The following SLC22A15 variants were observed in gnomAD, a reference collection of about 807,000 sequenced individuals.
SLC22A15 encodes solute carrier family 22 member 15, also known as flipt 1.
In SLC22A15, 45 loss-of-function variants were observed where a neutral mutation model predicts 62.7. The ratio of observed to expected loss-of-function variants is 0.72; its 90% CI spans 0.56 to 0.92. The LOEUF is 0.92. Among genes scored for constraint, SLC22A15 ranks in the 40% least tolerant of loss-of-function variants. The pLI, the probability that SLC22A15 is intolerant of heterozygous loss-of-function variation, is 0.00. For missense variants in SLC22A15, 622 were observed against 665.6 expected, an observed-to-expected ratio of 0.93 and a Z score of 0.72; for synonymous variants, 264 against 267.0, an observed-to-expected ratio of 0.99 and a Z score of 0.11.
chr1:116,025,063 A>G (rs771220360), intron 4 of SLC22A15, among the ~76,000 whole-genome samples: 1 of 152,140 alleles, frequency 6.6e-6, no homozygotes, highest in Non-Finnish European at 1.5e-5. Flanking sequence ...AATATCGAAC[A>G]TTTGTATAAC....
chr1:115,979,556 C>T (rs566368617), intron 1 of SLC22A15, among the ~76,000 whole-genome samples: 1 of 152,318 alleles, frequency 6.6e-6, no homozygotes, highest in East Asian at 1.9e-4. Context: ...TGTACTTGCT[C>T]TCCCTAGGAT....
chr1:116,006,075 C>T (rs1384527831), intron 2 of SLC22A15, among the ~76,000 whole-genome samples: 1 of 152,142 alleles, frequency 6.6e-6, no homozygotes, highest in Admixed American at 6.5e-5. Flanking sequence ...GCTTGTGGTA[C>T]CAGGGTGACA....
intron 2 of SLC22A15, among the ~76,000 whole-genome samples, chr1:116,006,150 C>G (rs1001393780): frequency 1.3e-5 from 2 of 152,064 alleles, no homozygotes; most frequent in African/African-American, 2.4e-5. Context: ...TAATTAGGAG[C>G]CCTTTTAGAT....
rs1175760123 is a variant in SLC22A15 at position 116,068,497 on chromosome 1, G to C, written c.*1389G>C. The C allele has an allele frequency of 2.0e-5, 3 of 152,222 alleles. No individual in the cohort carries two copies. The highest frequency in any genetic ancestry group is 4.4e-5 in the Non-Finnish European group (3 of 68,024). The allele number at this position is 152,222 out of a possible 1,614,324, so 9.4% of individuals were successfully genotyped here. A position where few individuals can be genotyped will look rare whatever the true frequency, so the allele number is the denominator to read the frequency against. On this transcript the variant is annotated 3_prime_UTR_variant, in exon 12 of 12. Transcript: ENST00000369503. ...ATGTTTTCTTGCACACTGACTTCTG[G>C]TTTCCACTGTATCAGTATGTACCTT...
intron 8 of SLC22A15, among the ~76,000 whole-genome samples, chr1:116,039,621 A>G (rs1284374110): frequency 6.6e-6 from 1 of 152,130 alleles, no homozygotes; most frequent in Non-Finnish European, 1.5e-5. Flanking sequence ...TATAATTAAT[A>G]ACCATTACTA....
At chr1:115,993,999 C>T (rs758167228) in intron 2 of SLC22A15, among the ~76,000 whole-genome samples, 3 of 152,306 alleles carry the variant, frequency 2.0e-5, no homozygotes, top group Middle Eastern at 3.4e-3. Context: ...TCACCTTCCC[C>T]GTGAGTCTTC....
At chr1:116,066,900 T>C (rs1658512878) in intron 11 of SLC22A15, 119 bp from the exon 12 acceptor site, 1 of 967,248 alleles carries the variant, frequency 1.0e-6, no homozygotes, top group Non-Finnish European at 1.6e-6. Flanking sequence ...TTAGGGGCTA[T>C]TTCTTGGGGG....
At chr1:116,031,866 T>G (rs1410290748) in intron 6 of SLC22A15, 3 of 1,239,196 alleles carry the variant, frequency 2.4e-6, no homozygotes, top group South Asian at 2.2e-5. Context: ...CATAAATATT[T>G]AAGCCTTCCT....
intron 8 of SLC22A15, among the ~76,000 whole-genome samples, chr1:116,050,242 T>C (rs1022901846): frequency 5.9e-5 from 9 of 152,194 alleles, no homozygotes. Flanking sequence ...TAACTCATTC[T>C]ATGAAGCCAG....
At chr1:115,997,825 C>T (rs1047576326) in intron 2 of SLC22A15, among the ~76,000 whole-genome samples, 2 of 151,960 alleles carry the variant, frequency 1.3e-5, no homozygotes, top group Non-Finnish European at 2.9e-5. Flanking sequence ...ACTAACAGTA[C>T]TAAGTTGAAA....
intron 8 of SLC22A15, among the ~76,000 whole-genome samples, chr1:116,052,334 G>A (rs917646717): frequency 9.2e-5 from 14 of 152,232 alleles, no homozygotes; most frequent in South Asian, 6.2e-4. Flanking sequence ...AGGTGGCAGC[G>A]AGGCTGGGGG....
At chr1:116,052,080 G>A (rs181427729) in intron 8 of SLC22A15, among the ~76,000 whole-genome samples, 45 of 152,310 alleles carry the variant, frequency 3.0e-4, no homozygotes, top group East Asian at 1.7e-3. Context: ...TGCACCATGC[G>A]CGAGCCGAAG....
At chr1:116,032,184 T>C in intron 6 of SLC22A15, 1 of 985,452 alleles carries the variant, frequency 1.0e-6, no homozygotes. Context: ...TCTGGTTGTT[T>C]AGCTTATTCC....
chr1:116,046,421 G>C (rs1000025649), intron 8 of SLC22A15, among the ~76,000 whole-genome samples: 1 of 152,184 alleles, frequency 6.6e-6, no homozygotes, highest in African/African-American at 2.4e-5. Context: ...CAAAAGATTT[G>C]AATGGATGCT....
chr1:115,976,641 A>G lies in SLC22A15; in HGVS notation c.14A>G (p.Glu5Gly). Residue 5 changes from glutamate to glycine, a missense_variant, in exon 1 of 12, where the codon GAG becomes GGG. Glu to Gly is a moderately conservative substitution (Grantham distance 98). Coordinates refer to ENST00000369503, the MANE Select transcript of SLC22A15 (RefSeq NM_018420.3). ...GCGCGGCCCGCCATGGAGGTGGAGG[A>G]GGCGTTCCAGGCGGTGGGGGAGATG... Reference protein sequence around the residue: MEVEEAFQAVGEMGI... With the variant: MEVEGAFQAVGEMGI... 2 of 1,583,476 alleles carry G rather than the reference A, an allele frequency of 1.3e-6. No homozygotes were observed. Among genetic ancestry groups the G allele is most frequent in the Non-Finnish European group, 1.7e-6 (2 of 1,167,502 alleles).
At chr1:115,977,607 G>A (rs1654379393) in intron 1 of SLC22A15, among the ~76,000 whole-genome samples, 1 of 152,228 alleles carries the variant, frequency 6.6e-6, no homozygotes, top group African/African-American at 2.4e-5. Context: ...CAGTCATCAG[G>A]TTTAATACGG....
At chr1:116,029,407 C>A (rs944733415) in intron 5 of SLC22A15, among the ~76,000 whole-genome samples, 1 of 152,086 alleles carries the variant, frequency 6.6e-6, no homozygotes, top group Admixed American at 6.5e-5. Context: ...AAGGAGCCCA[C>A]GGCACAGATG....
At chr1:115,996,930 G>GC (rs1553217538) in intron 2 of SLC22A15, among the ~76,000 whole-genome samples, 1 of 145,854 alleles carries the variant, frequency 6.9e-6, no homozygotes, top group Non-Finnish European at 1.5e-5. Flanking sequence ...AGTAAGGACA[G>GC]TTTTTTTTTT....
chr1:115,996,091 C>G (rs1345464860), intron 2 of SLC22A15, among the ~76,000 whole-genome samples: 1 of 152,128 alleles, frequency 6.6e-6, no homozygotes, highest in African/African-American at 2.4e-5. Flanking sequence ...CACTGATCTG[C>G]CTTCTTATAC....
Sources: allele counts gnomAD v4.1 joint callset (sites outside exome capture counted in the v4.1 genomes callset), GRCh38; gene constraint gnomAD v4.1.1; transcripts MANE v1.5; gene names NCBI Gene and HGNC (gene_info 2026-07-23, HGNC 2026-07-21).